Variants in SLC35D1 observed in about 807,000 individuals in gnomAD.
SLC35D1 encodes solute carrier family 35 member D1, also known as nucleotide sugar transporter SLC35D1.
SLC35D1 carries 31 observed loss-of-function variants against 46.7 expected under a neutral mutation model. That is an observed-to-expected ratio of 0.66 (90% CI 0.50 to 0.90). The LOEUF (loss-of-function observed/expected upper bound fraction) is 0.90, where lower values mean the gene tolerates loss of function less well. Among genes scored for constraint, SLC35D1 ranks in the 40% least tolerant of loss-of-function variants. SLC35D1 has a pLI of 0.00. For missense variants in SLC35D1, 397 were observed against 426.2 expected, an observed-to-expected ratio of 0.93 and a Z score of 0.60; for synonymous variants, 195 against 164.6, an observed-to-expected ratio of 1.18 and a Z score of -1.41.
chr1:67,008,801 T>C (rs2102237146), intron 11 of SLC35D1, among the ~76,000 whole-genome samples: 1 of 151,646 alleles, frequency 6.6e-6, no homozygotes, highest in African/African-American at 2.4e-5. Context: ...AGAGACGGGG[T>C]TTCACAACAT....
intron 8 of SLC35D1, among the ~76,000 whole-genome samples, chr1:67,030,591 T>G (rs1667998768): frequency 6.6e-6 from 1 of 152,174 alleles, no homozygotes; most frequent in Admixed American, 6.5e-5. Context: ...CTTTTAATTT[T>G]TTTTTTTATC....
At chr1:66,976,932 G>A in the SLC35D1 span, among the ~76,000 whole-genome samples, 7 of 152,052 alleles carry the variant, frequency 4.6e-5, no homozygotes, top group Non-Finnish European at 8.8e-5. Context: ...ACTTTTCAGT[G>A]TCTTATGAAA....
the SLC35D1 span, among the ~76,000 whole-genome samples, chr1:66,992,638 G>A: frequency 6.6e-6 from 1 of 152,198 alleles, no homozygotes; most frequent in African/African-American, 2.4e-5. Flanking sequence ...TTCATGGCTA[G>A]AGCCATGGGC....
chr1:66,986,001 C>G, the SLC35D1 span: 1 of 989,412 alleles, frequency 1.0e-6, no homozygotes, highest in South Asian at 4.6e-5. Flanking sequence ...GACCAGAATC[C>G]TGTTATTTTT....
intron 8 of SLC35D1, among the ~76,000 whole-genome samples, chr1:67,031,518 A>G (rs963873262): frequency 1.3e-5 from 2 of 152,206 alleles, no homozygotes; most frequent in African/African-American, 4.8e-5. Flanking sequence ...GTTCAGCTCC[A>G]TAACCTATAG....
chr1:66,997,502 TAAA>T (rs767972425), downstream of SLC35D1, among the ~76,000 whole-genome samples: 1 of 80,098 alleles, frequency 1.2e-5, no homozygotes, highest in Non-Finnish European at 2.3e-5. Flanking sequence ...GACCCTGTGT[TAAA>T]AAAAAAAAAA....
chr1:67,012,167 A>C (rs1279787804), intron 10 of SLC35D1, among the ~76,000 whole-genome samples: 1 of 152,168 alleles, frequency 6.6e-6, no homozygotes, highest in Non-Finnish European at 1.5e-5. Context: ...TCTCATCTAC[A>C]AGGGCTTTTG....
intron 3 of SLC35D1, among the ~76,000 whole-genome samples, 196 bp downstream of exon 3, chr1:67,052,574 AT>A (rs1223559943): frequency 6.6e-6 from 1 of 152,070 alleles, no homozygotes; most frequent in Non-Finnish European, 1.5e-5. Flanking sequence ...TTCCTAGGTT[AT>A]TTTTTCTCTT....
chr1:66,995,242 TTTTTG>T (rs1399016675), downstream of SLC35D1, among the ~76,000 whole-genome samples: 2 of 151,812 alleles, frequency 1.3e-5, no homozygotes, highest in Non-Finnish European at 2.9e-5. Flanking sequence ...GCTGGCAGAT[TTTTTG>T]TTTTATTTCA....
At chr1:66,983,324 C>T in the SLC35D1 span, among the ~76,000 whole-genome samples, 1 of 152,200 alleles carries the variant, frequency 6.6e-6, no homozygotes, top group Non-Finnish European at 1.5e-5. Flanking sequence ...TATTATGATG[C>T]ATAATCCCCA....
At chr1:66,977,803 A>G in the SLC35D1 span, among the ~76,000 whole-genome samples, 197 of 152,254 alleles carry the variant, frequency 1.3e-3, 1 homozygote, top group South Asian at 2.5e-3. Flanking sequence ...TTTACAGAAT[A>G]AAAAAATAAT....
chr1:66,976,421 AATAG>A, the SLC35D1 span, among the ~76,000 whole-genome samples: 1 of 152,196 alleles, frequency 6.6e-6, no homozygotes, highest in South Asian at 2.1e-4. Context: ...TATTTCTCTT[AATAG>A]ATGTTTAGAA....
chr1:66,983,868 G>A, the SLC35D1 span, among the ~76,000 whole-genome samples: 23 of 152,240 alleles, frequency 1.5e-4, no homozygotes, highest in Non-Finnish European at 3.1e-4. Context: ...GCTGGGAGAC[G>A]GTGCACGCCA....
At chr1:67,034,510 G>A (rs1381778010) in intron 8 of SLC35D1, among the ~76,000 whole-genome samples, 1 of 152,088 alleles carries the variant, frequency 6.6e-6, no homozygotes, top group Non-Finnish European at 1.5e-5. Flanking sequence ...ATAGCCATAT[G>A]GAAATGCCAC....
Position 67,004,286 on chromosome 1 carries a change from G to T in SLC35D1, c.*54C>A. The T allele has an allele frequency of 6.9e-7, 1 of 1,452,844 alleles. No individual in the cohort carries two copies. Among genetic ancestry groups the T allele is most frequent in the Non-Finnish European group, 9.7e-7 (1 of 1,033,854 alleles). 90.0% of individuals were successfully genotyped at this position (1,452,844 alleles called of 1,614,324 possible). A position where few individuals can be genotyped will look rare whatever the true frequency, so the allele number is the denominator to read the frequency against. ...CAGTGTCTCTGTAGGAACTGCCAGT[G>T]TTCTGAGTTGATTAAAAACTTAGGC... On this transcript the variant is annotated 3_prime_UTR_variant, in exon 12 of 12. Coordinates refer to ENST00000235345, the MANE Select transcript of SLC35D1 (RefSeq NM_015139.3).
At chr1:66,978,829 A>T in the SLC35D1 span, among the ~76,000 whole-genome samples, 1 of 152,182 alleles carries the variant, frequency 6.6e-6, no homozygotes, top group Non-Finnish European at 1.5e-5. Context: ...TGTCAAGATC[A>T]ACAGGTTAGG....
At chr1:67,023,695 AG>A (rs1419770139) in intron 8 of SLC35D1, among the ~76,000 whole-genome samples, 1 of 151,628 alleles carries the variant, frequency 6.6e-6, no homozygotes, top group African/African-American at 2.4e-5. Context: ...CATGTTAGCC[AG>A]GCTGGTCACG....
the SLC35D1 span, chr1:66,981,932 G>A: frequency 7.8e-5 from 125 of 1,612,010 alleles, no homozygotes; most frequent in Non-Finnish European, 1.0e-4. Flanking sequence ...AGCAACCAGA[G>A]AAACATTTCT....
chr1:67,039,013 G>A (rs1215458231), intron 8 of SLC35D1, among the ~76,000 whole-genome samples: 1 of 152,078 alleles, frequency 6.6e-6, no homozygotes, highest in Non-Finnish European at 1.5e-5. Context: ...CTTAAAGGCT[G>A]TATCAACCCC....
Sources: gnomAD v4.1 joint callset for allele counts (sites outside exome capture counted in the v4.1 genomes callset) on GRCh38, gnomAD v4.1.1 for gene constraint, MANE v1.5 for transcripts, NCBI Gene and HGNC (gene_info 2026-07-23, HGNC 2026-07-21) for gene names.